DNAJC10: variants seen among roughly 807,000 people sequenced by gnomAD.
DNAJC10 encodes endoplasmic reticulum disulfide reductase DNAJC10.
A neutral mutation model predicts 115.0 loss-of-function variants in DNAJC10; 101 were observed. The ratio of observed to expected loss-of-function variants is 0.88; its 90% CI spans 0.75 to 1.04. The LOEUF (loss-of-function observed/expected upper bound fraction) is 1.04, where lower values mean the gene tolerates loss of function less well. DNAJC10 is among the 50% of genes least tolerant of loss of function. DNAJC10 has a pLI of 0.00. For synonymous variants in DNAJC10, 307 were observed against 301.5 expected, an observed-to-expected ratio of 1.02 and a Z score of -0.19; for missense variants, 981 against 928.8, an observed-to-expected ratio of 1.06 and a Z score of -0.73.
intron 14 of DNAJC10, 55 bp from the exon 15 acceptor site, chr2:182,751,603 C>T: frequency 1.3e-6 from 2 of 1,573,110 alleles, no homozygotes; most frequent in Non-Finnish European, 1.7e-6. Context: ...TGAAATGTCT[C>T]TGTGCATACA....
At chr2:182,743,290 T>C (rs1693781805) in intron 13 of DNAJC10, among the ~76,000 whole-genome samples, 1 of 152,212 alleles carries the variant, frequency 6.6e-6, no homozygotes, top group African/African-American at 2.4e-5. Flanking sequence ...CTGAAAGTGA[T>C]CTCTCCTCTA....
chr2:182,739,509 T>C, intron 11 of DNAJC10: 1 of 1,185,564 alleles, frequency 8.4e-7, no homozygotes, highest in South Asian at 1.7e-5. Flanking sequence ...ATACATTTTC[T>C]TGATGTAACC....
intron 10 of DNAJC10, among the ~76,000 whole-genome samples, chr2:182,733,223 T>C (rs546022143): frequency 6.6e-6 from 1 of 152,132 alleles, no homozygotes; most frequent in East Asian, 1.9e-4. Context: ...TGACATTATA[T>C]TGTTGGCAGC....
chr2:182,726,712 A>G (rs545976748), intron 5 of DNAJC10, among the ~76,000 whole-genome samples: 1 of 152,312 alleles, frequency 6.6e-6, no homozygotes, highest in South Asian at 2.1e-4. Context: ...AAAGGCTGAA[A>G]TGACTGTTAG....
At chr2:182,764,904 C>A (rs1376058722) in intron 22 of DNAJC10, among the ~76,000 whole-genome samples, 1 of 152,088 alleles carries the variant, frequency 6.6e-6, no homozygotes, top group Non-Finnish European at 1.5e-5. Context: ...TGGAGGGACT[C>A]CTAAATCCAA....
intron 10 of DNAJC10, chr2:182,732,768 A>G (rs1693484612): frequency 1.9e-6 from 1 of 522,670 alleles, no homozygotes; most frequent in African/African-American, 2.0e-5. Flanking sequence ...CTTTGTAAGT[A>G]TTCTGTAATT....
intron 13 of DNAJC10, among the ~76,000 whole-genome samples, chr2:182,742,966 C>T (rs974690733): frequency 1.3e-4 from 20 of 152,162 alleles, no homozygotes; most frequent in Non-Finnish European, 8.8e-5. Flanking sequence ...GCTGCCTCAG[C>T]CTCCCAAGTA....
chr2:182,772,024 T>C (rs1182958503), intron 22 of DNAJC10, among the ~76,000 whole-genome samples: 2 of 152,238 alleles, frequency 1.3e-5, no homozygotes, highest in Non-Finnish European at 2.9e-5. Flanking sequence ...GTTGTGTCTT[T>C]GTTGCCATTG....
At chr2:182,745,506 G>T (rs1353561615) in intron 14 of DNAJC10, among the ~76,000 whole-genome samples, 1 of 152,126 alleles carries the variant, frequency 6.6e-6, no homozygotes, top group African/African-American at 2.4e-5. Flanking sequence ...TTCCTTTTAT[G>T]TGCTCTTACT....
At chr2:182,729,219 G>C (rs1693373493) in intron 7 of DNAJC10, 1 of 401,718 alleles carries the variant, frequency 2.5e-6, no homozygotes, top group South Asian at 2.7e-5. Context: ...TGCAGTCTCG[G>C]CTCACTGCAA....
At chr2:182,736,899 G>A (rs1270184030) in intron 11 of DNAJC10, among the ~76,000 whole-genome samples, 2 of 152,086 alleles carry the variant, frequency 1.3e-5, no homozygotes, top group African/African-American at 2.4e-5. Flanking sequence ...ACAGGCGCCT[G>A]CCATCATGCC....
chr2:182,729,791 T>C, intron 7 of DNAJC10, 57 bp from the exon 8 acceptor site: 1 of 1,143,564 alleles, frequency 8.7e-7, no homozygotes, highest in Non-Finnish European at 1.3e-6. Flanking sequence ...GTATTATTTT[T>C]ATTGAGTTTT....
chr2:182,739,582 A>G (rs1322486792), intron 11 of DNAJC10: 5 of 1,214,068 alleles, frequency 4.1e-6, no homozygotes, highest in Non-Finnish European at 5.3e-6. Context: ...AGAGAGAGAG[A>G]GTTATATGAC....
rs1693584000 is a variant in DNAJC10, at chr2:182,736,317, T to A, written c.918T>A (p.Ile306=). ...ATAACCTTTGTAAAAGCTTAGATATTACAACAAGTACTACTGCTTATTTTC... is the reference window on the plus strand; with the variant it reads ...ATAACCTTTGTAAAAGCTTAGATATAACAACAAGTACTACTGCTTATTTTC... ...TQDNLCKSLD[I]TTSTTAYFPP... The change falls in exon 11 of 24, where the codon ATT becomes ATA. Residue 306 remains isoleucine, a synonymous_variant. Coordinates refer to ENST00000264065, the MANE Select transcript of DNAJC10 (RefSeq NM_018981.4). 1.3e-6 allele frequency: 2 copies of A among 1,596,416 alleles called. No homozygotes were observed. Among genetic ancestry groups the A allele is most frequent in the Non-Finnish European group, 1.7e-6 (2 of 1,173,382 alleles).
At chr2:182,759,711 C>T (rs1327210179) in intron 21 of DNAJC10, among the ~76,000 whole-genome samples, 8 of 152,066 alleles carry the variant, frequency 5.3e-5, no homozygotes, top group African/African-American at 1.9e-4. Context: ...AACCCTTTAT[C>T]ATCTCTTGTC....
intron 11 of DNAJC10, chr2:182,739,745 G>A (rs779057961): frequency 1.1e-4 from 107 of 1,002,444 alleles, no homozygotes; most frequent in Middle Eastern, 4.7e-4. Flanking sequence ...CTCCTAAGTG[G>A]TTTGGTTTTT....
intron 5 of DNAJC10, among the ~76,000 whole-genome samples, chr2:182,723,370 T>G (rs879460517): frequency 3.9e-5 from 6 of 152,316 alleles, no homozygotes; most frequent in Admixed American, 6.5e-5. Context: ...AATCTTATTT[T>G]CTACATCATG....
Position 182,752,109 on chromosome 2 carries a change from G to A in DNAJC10, c.1472G>A (p.Arg491Gln), listed in dbSNP as rs1451907823. 5 of 1,613,540 alleles carry A rather than the reference G, an allele frequency of 3.1e-6. No homozygotes were observed. The South Asian group carries it at 3.3e-5, about 11-fold the overall frequency. Reference sequence around the variant, plus strand: ...TGTCGAGCTTTACTACCAGAGTTACGAAGAGCATCAAATCTTCTTTATGGT... The same window carrying A: ...TGTCGAGCTTTACTACCAGAGTTACAAAGAGCATCAAATCTTCTTTATGGT... ...PPCRALLPEL[R>Q]RASNLLYGQL... The change falls in exon 16 of 24, where the codon CGA becomes CAA. Residue 491 changes from arginine to glutamine, a missense_variant. Coordinates refer to ENST00000264065, the MANE Select transcript of DNAJC10 (RefSeq NM_018981.4).
intron 22 of DNAJC10, among the ~76,000 whole-genome samples, chr2:182,764,156 A>T (rs1350634457): frequency 6.6e-6 from 1 of 152,160 alleles, no homozygotes; most frequent in Non-Finnish European, 1.5e-5. Flanking sequence ...TTATATTGCC[A>T]ATCACAATGT....
Sources: allele counts gnomAD v4.1 joint callset (sites outside exome capture counted in the v4.1 genomes callset), GRCh38; gene constraint gnomAD v4.1.1; transcripts MANE v1.5; gene names NCBI Gene and HGNC (gene_info 2026-07-23, HGNC 2026-07-21).